B4GALT5: variants seen among roughly 807,000 people sequenced by gnomAD.
B4GALT5 encodes the protein beta-1,4-galactosyltransferase 5.
B4GALT5 carries 11 observed loss-of-function variants against 45.0 expected under a neutral mutation model. The observed-to-expected ratio is 0.24, with a 90% CI of 0.15 to 0.40. The LOEUF is 0.40. Among genes scored for constraint, B4GALT5 ranks in the 10% least tolerant of loss-of-function variants. B4GALT5 has a pLI of 1.00. For synonymous variants in B4GALT5, 185 were observed against 182.9 expected (o/e 1.01, Z -0.09); for missense variants, 337 against 500.2 (o/e 0.67, Z 3.11).
At chr20:49,659,000 A>C (rs1213422246) in intron 1 of B4GALT5, among the ~76,000 whole-genome samples, 1 of 152,224 alleles carries the variant, frequency 6.6e-6, no homozygotes, top group African/African-American at 2.4e-5. Context: ...AGTTTCTCCA[A>C]GTATCTTCAC....
chr20:49,711,533 T>C (rs1469978416), intron 1 of B4GALT5, among the ~76,000 whole-genome samples: 1 of 152,236 alleles, frequency 6.6e-6, no homozygotes, highest in African/African-American at 2.4e-5. Flanking sequence ...GCTCTAAGAC[T>C]GCCTCTAGGT....
intron 7 of B4GALT5, among the ~76,000 whole-genome samples, 198 bp from the exon 8 acceptor site, chr20:49,637,640 A>C (rs1289843598): frequency 6.6e-6 from 1 of 152,132 alleles, no homozygotes; most frequent in Non-Finnish European, 1.5e-5. Flanking sequence ...TTTTATGTGA[A>C]CGGAAAAAAT....
At chr20:49,696,455 G>A (rs1466787108) in intron 1 of B4GALT5, among the ~76,000 whole-genome samples, 1 of 152,164 alleles carries the variant, frequency 6.6e-6, no homozygotes, top group African/African-American at 2.4e-5. Context: ...AAAGACAGCA[G>A]GTATGTTTTC....
At chr20:49,680,957 T>A (rs1250438260) in intron 1 of B4GALT5, among the ~76,000 whole-genome samples, 2 of 152,054 alleles carry the variant, frequency 1.3e-5, no homozygotes, top group Non-Finnish European at 2.9e-5. Context: ...AGAATTATAA[T>A]TTAATAAGTT....
chr20:49,642,396 T>G, intron 5 of B4GALT5, 72 bp downstream of exon 5: 1 of 1,133,794 alleles, frequency 8.8e-7, no homozygotes, highest in Non-Finnish European at 1.3e-6. Context: ...ACACCAACAG[T>G]GGATTAGCTT....
intron 1 of B4GALT5, among the ~76,000 whole-genome samples, chr20:49,699,602 G>A (rs756151353): frequency 6.6e-6 from 1 of 151,928 alleles, no homozygotes; most frequent in Non-Finnish European, 1.5e-5. Flanking sequence ...ACATACCTAT[G>A]GTAAAGTTTA....
intron 1 of B4GALT5, among the ~76,000 whole-genome samples, chr20:49,668,431 T>C (rs2085701385): frequency 6.6e-6 from 1 of 151,910 alleles, no homozygotes; most frequent in Non-Finnish European, 1.5e-5. Flanking sequence ...CCCCCAAAAT[T>C]CTTAATAGCA....
chr20:49,665,918 A>G (rs536959996), intron 1 of B4GALT5, among the ~76,000 whole-genome samples: 1 of 152,146 alleles, frequency 6.6e-6, no homozygotes, highest in East Asian at 1.9e-4. Flanking sequence ...CGAAGGTTGC[A>G]TATGGCAAGA....
In B4GALT5 at chr20:49,636,320, C is replaced by T. The variant is rs200432175; in HGVS notation, c.1159G>A (p.Glu387Lys). 5.0e-6 allele frequency: 8 copies of T among 1,614,110 alleles called. No homozygotes were observed. Among genetic ancestry groups the T allele is most frequent in the African/African-American group, 2.7e-5 (2 of 75,030 alleles). Residue 387 changes from glutamate to lysine, a missense_variant, in exon 9 of 9, where the codon GAG (glutamate) becomes AAG (lysine). Physicochemically the swap from Glu to Lys is moderately conservative, Grantham distance 56. Coordinates refer to ENST00000371711, the MANE Select transcript of B4GALT5 (RefSeq NM_004776.4). ...ACGTACATTCTCTCCTCTCAGTACT[C>T]GTTCACCTGAGCCAGCTCGGGTGTC... ...NLTPELAQVN[E>K]Y is the part of the protein sequence containing the mutation.
chr20:49,646,796 A>G (rs1252556260), intron 3 of B4GALT5, among the ~76,000 whole-genome samples, 169 bp downstream of exon 3: 1 of 152,228 alleles, frequency 6.6e-6, no homozygotes, highest in Non-Finnish European at 1.5e-5. Context: ...GAACACAGGC[A>G]ACCTTGCAGC....
chr20:49,669,092 C>T (rs1372329456), intron 1 of B4GALT5, among the ~76,000 whole-genome samples: 1 of 152,040 alleles, frequency 6.6e-6, no homozygotes, highest in Non-Finnish European at 1.5e-5. Context: ...AACTCCTGGG[C>T]TCAAGCAATC....
intron 1 of B4GALT5, among the ~76,000 whole-genome samples, chr20:49,698,680 C>T (rs1430000303): frequency 6.6e-6 from 1 of 152,160 alleles, no homozygotes; most frequent in African/African-American, 2.4e-5. Context: ...ACTGGACGCA[C>T]ATCACACACC....
intron 2 of B4GALT5, among the ~76,000 whole-genome samples, chr20:49,648,180 G>A (rs986767438): frequency 1.3e-5 from 2 of 152,110 alleles, no homozygotes; most frequent in Non-Finnish European, 2.9e-5. Context: ...CTCCTGGTCT[G>A]ACCAGATTCT....
In B4GALT5 at chr20:49,634,693, C is replaced by G. The variant is rs1474717843; in HGVS notation, c.*1619G>C. ...AGCCTGGGCAACATGGAAGAAACCC[C>G]TGTCTCTACTAAAAATACAAAAAAT... On this transcript the variant is annotated 3_prime_UTR_variant, in exon 9 of 9. Transcript: ENST00000371711. 1.3e-5 allele frequency: 2 copies of G among 152,134 alleles called. No individual in the cohort carries two copies. The highest frequency in any genetic ancestry group is 6.6e-5 in the Admixed American group (1 of 15,262). The allele number at this position is 152,134 out of a possible 1,614,324, so 9.4% of individuals were successfully genotyped here. A position where few individuals can be genotyped will look rare whatever the true frequency, so the allele number is the denominator to read the frequency against.
chr20:49,697,591 T>TTA (rs1568733652), intron 1 of B4GALT5, among the ~76,000 whole-genome samples: 1 of 146,332 alleles, frequency 6.8e-6, no homozygotes, highest in Non-Finnish European at 1.5e-5. Context: ...TTTTTTTTTT[T>TTA]AACAGAAAAA....
chr20:49,637,175 C>CA (rs1343648735), intron 8 of B4GALT5, among the ~76,000 whole-genome samples, 166 bp downstream of exon 8: 1 of 152,188 alleles, frequency 6.6e-6, no homozygotes, highest in African/African-American at 2.4e-5. Context: ...GTCTGATCCC[C>CA]ACACTGTTCT....
At chr20:49,685,184 A>G (rs973928461) in intron 1 of B4GALT5, among the ~76,000 whole-genome samples, 1 of 152,156 alleles carries the variant, frequency 6.6e-6, no homozygotes, top group African/African-American at 2.4e-5. Flanking sequence ...TGATTTCCCA[A>G]GTTTGTTAAG....
intron 1 of B4GALT5, among the ~76,000 whole-genome samples, chr20:49,684,817 G>A (rs753530430): frequency 2.7e-4 from 41 of 152,170 alleles, no homozygotes; most frequent in Non-Finnish European, 4.7e-4. Context: ...GTCCCTGCTC[G>A]GCTTAGCTGT....
chr20:49,658,573 C>T (rs754361725), intron 1 of B4GALT5, among the ~76,000 whole-genome samples: 1 of 152,182 alleles, frequency 6.6e-6, no homozygotes, highest in Non-Finnish European at 1.5e-5. Flanking sequence ...TCACTACCTC[C>T]TTTCCTCTGC....
Sources: allele counts gnomAD v4.1 joint callset (sites outside exome capture counted in the v4.1 genomes callset), GRCh38; gene constraint gnomAD v4.1.1; transcripts MANE v1.5; gene names NCBI Gene and HGNC (gene_info 2026-07-23, HGNC 2026-07-21).